The following LRRC4C variants were observed in gnomAD, a reference collection of about 807,000 sequenced individuals.
LRRC4C encodes leucine rich repeat containing 4C, also known as leucine-rich repeat-containing protein 4C.
A neutral mutation model predicts 33.6 loss-of-function variants in LRRC4C; 5 were observed. That is an observed-to-expected ratio of 0.15 (90% CI 0.08 to 0.31). The LOEUF is 0.31. Ranked by LOEUF, LRRC4C falls within the 10% of genes least tolerant of loss-of-function variation. The pLI is 1.00. For missense variants in LRRC4C, 560 were observed against 796.7 expected (o/e 0.70, Z 3.58); for synonymous variants, 329 against 302.0 (o/e 1.09, Z -0.93).
chr11:41,373,179 G>A (rs1206921615), intron 1 of LRRC4C, among the ~76,000 whole-genome samples: 1 of 151,958 alleles, frequency 6.6e-6, no homozygotes, highest in African/African-American at 2.4e-5. Flanking sequence ...GACCCAGTTT[G>A]CACAATGAAT....
In LRRC4C at chr11:40,114,241, TTTC is replaced by T. The variant is rs1855245774; in HGVS notation, c.*126_*128del. The T allele has an allele frequency of 4.8e-6, 5 of 1,043,082 alleles. No homozygotes were observed. The highest frequency in any genetic ancestry group is 5.3e-6 in the Non-Finnish European group (4 of 752,008). 64.6% of individuals were successfully genotyped at this position (1,043,082 alleles called of 1,614,324 possible). A position where few individuals can be genotyped will look rare whatever the true frequency, so the allele number is the denominator to read the frequency against. ...CACAATAGAATTTTTAATAAATAAATTTCTTTTCTTTTTTGTTTTTTTGTAAAG... is the reference window on the plus strand; with the variant it reads ...CACAATAGAATTTTTAATAAATAAATTTTTCTTTTTTGTTTTTTTGTAAAG... On this transcript the variant is annotated 3_prime_UTR_variant, in exon 7 of 7. Transcript: ENST00000528697.
At chr11:40,766,624 A>G (rs2137123466) in intron 2 of LRRC4C, among the ~76,000 whole-genome samples, 1 of 152,174 alleles carries the variant, frequency 6.6e-6, no homozygotes, top group Non-Finnish European at 1.5e-5. Flanking sequence ...ATAAAGTTAA[A>G]ATGTAGAGTA....
At position 40,332,134 on chromosome 11, in the gene LRRC4C, A is replaced by T. The variant is rs143892303; in HGVS notation, c.-269-12413T>A. Among the ~76,000 whole-genome samples, 82 of 152,332 alleles carry T rather than the reference A, an allele frequency of 5.4e-4. No homozygotes were observed. The East Asian group carries it at 0.014, about 26-fold the overall frequency. On this transcript the variant is annotated intron_variant, in intron 3 of 6. Coordinates refer to ENST00000528697, the MANE Select transcript of LRRC4C (RefSeq NM_001258419.2). ...TAGTTTCCTAGGGCGGCCATAACAA[A>T]GTGTCACAAATGAGGTGGCTTAAAA...
intron 2 of LRRC4C, among the ~76,000 whole-genome samples, chr11:40,650,824 A>C (rs1328190864): frequency 6.6e-6 from 1 of 152,170 alleles, no homozygotes; most frequent in Non-Finnish European, 1.5e-5. Flanking sequence ...CTCTTTGGCC[A>C]GCCCATAAGA....
At chr11:40,415,108 A>T (rs1220777271) in intron 3 of LRRC4C, among the ~76,000 whole-genome samples, 2 of 152,164 alleles carry the variant, frequency 1.3e-5, no homozygotes, top group East Asian at 3.9e-4. Flanking sequence ...GTGAATGAGA[A>T]GTATAAAATC....
chr11:40,310,894 A>AGG (rs750828235), intron 4 of LRRC4C, among the ~76,000 whole-genome samples: 1 of 152,154 alleles, frequency 6.6e-6, no homozygotes, highest in Non-Finnish European at 1.5e-5. Flanking sequence ...TGTTTTGTTT[A>AGG]GGGTCCATTT....
At position 41,210,001 on chromosome 11, in the gene LRRC4C, C is replaced by T. The variant is rs563271356; in HGVS notation, c.-496+249430G>A. On this transcript the variant is annotated intron_variant, in intron 1 of 6. Transcript: ENST00000528697. ...TCTCTCTGCATGCACATAGAGGAAA[C>T]GCCACGTGAGGATTCAGTGAGGAAG... Among the ~76,000 whole-genome samples the T allele has an allele frequency of 2.1e-3, 318 of 152,202 alleles. 1 individual carries two copies. The highest frequency in any genetic ancestry group is 6.8e-3 in the African/African-American group (283 of 41,536).
intron 1 of LRRC4C, among the ~76,000 whole-genome samples, chr11:41,186,886 T>C (rs1275747614): frequency 6.6e-6 from 1 of 152,162 alleles, no homozygotes; most frequent in East Asian, 1.9e-4. Flanking sequence ...CTCAATCTCT[T>C]TTAAAATTCA....
intron 2 of LRRC4C, among the ~76,000 whole-genome samples, chr11:40,932,797 T>G (rs1026491315): frequency 2.0e-5 from 3 of 152,032 alleles, no homozygotes; most frequent in Admixed American, 1.3e-4. Context: ...AGAATAGAGA[T>G]TTTGAAAAAT....
intron 1 of LRRC4C, among the ~76,000 whole-genome samples, chr11:41,359,951 A>G (rs1346777030): frequency 1.3e-5 from 2 of 152,140 alleles, no homozygotes; most frequent in African/African-American, 4.8e-5. Flanking sequence ...GGGAGGACAA[A>G]GCAGGCAGAT....
At chr11:40,748,035 G>T (rs532107639) in intron 2 of LRRC4C, among the ~76,000 whole-genome samples, 2 of 152,238 alleles carry the variant, frequency 1.3e-5, no homozygotes, top group South Asian at 4.1e-4. Flanking sequence ...AAGAGCATTA[G>T]ACACTCATTA....
intron 1 of LRRC4C, among the ~76,000 whole-genome samples, chr11:40,991,821 C>G (rs929763870): frequency 6.6e-6 from 1 of 152,070 alleles, no homozygotes; most frequent in Non-Finnish European, 1.5e-5. Flanking sequence ...GTAATGTGAG[C>G]GAGGGGAATT....
rs567112892 is a variant in LRRC4C, at chr11:40,590,435, A to T, written c.-270+57707T>A. ...GCCTTTGGTTTGAATGTCCTCCCGT[A>T]GCTCAGAGTAATTTGATCGTCTGAA... On this transcript the variant is annotated intron_variant, in intron 3 of 6. Transcript: ENST00000528697. Among the ~76,000 whole-genome samples, 38 of 151,018 alleles carry T rather than the reference A, an allele frequency of 2.5e-4. 2 individuals are homozygous for T. The South Asian group carries it at 7.4e-3, about 30-fold the overall frequency.
At chr11:40,283,590 A>G (rs983019452) in intron 4 of LRRC4C, among the ~76,000 whole-genome samples, 1 of 152,032 alleles carries the variant, frequency 6.6e-6, no homozygotes, top group Admixed American at 6.6e-5. Flanking sequence ...GTGTTAGATC[A>G]GGCCACTCAT....
At chr11:40,627,646 T>C (rs1362110673) in intron 3 of LRRC4C, among the ~76,000 whole-genome samples, 1 of 152,190 alleles carries the variant, frequency 6.6e-6, no homozygotes, top group Non-Finnish European at 1.5e-5. Flanking sequence ...GCACCTTTAA[T>C]GTATATGATT....
rs527761988 is a variant in LRRC4C at position 40,832,246 on chromosome 11, T to C, written c.-407+101389A>G. ...TAAACAAAAAAAGATACAGTAAAAA[T>C]ACCCTAATATAATCTTATGGGATGT... On this transcript the variant is annotated intron_variant, in intron 2 of 6. Coordinates refer to ENST00000528697, the MANE Select transcript of LRRC4C (RefSeq NM_001258419.2). Among the ~76,000 whole-genome samples the C allele has an allele frequency of 2.0e-5, 3 of 152,180 alleles. No homozygotes were observed. In the South Asian group the frequency reaches 6.2e-4, roughly 32 times the overall value.
chr11:40,219,743 G>A lies in LRRC4C; in HGVS notation c.-96+21776C>T, dbSNP rs375624566. On this transcript the variant is annotated intron_variant, in intron 5 of 6. Transcript: ENST00000528697. ...GCAGGGCATGAGGGGGAAGAAATTGGGGGGGTGGATATAGATCAGAGGATA... is the reference window on the plus strand; with the variant it reads ...GCAGGGCATGAGGGGGAAGAAATTGAGGGGGTGGATATAGATCAGAGGATA... Among the ~76,000 whole-genome samples the A allele has an allele frequency of 2.4e-4, 37 of 151,778 alleles. 1 individual carries two copies. The East Asian group carries it at 5.6e-3, about 23-fold the overall frequency.
intron 2 of LRRC4C, among the ~76,000 whole-genome samples, chr11:40,813,787 C>T (rs11036088): frequency 0.013 from 1,972 of 152,134 alleles, 12 homozygotes; most frequent in African/African-American, 0.018. Flanking sequence ...ACTGGCAAAA[C>T]GAAGGGGCTA....
chr11:41,310,778 T>C (rs1950622915), intron 1 of LRRC4C, among the ~76,000 whole-genome samples: 1 of 152,212 alleles, frequency 6.6e-6, no homozygotes, highest in South Asian at 2.1e-4. Flanking sequence ...GTTTATGCCT[T>C]TTTGTATTTA....
Sources: gnomAD v4.1 joint callset for allele counts (sites outside exome capture counted in the v4.1 genomes callset) on GRCh38, gnomAD v4.1.1 for gene constraint, MANE v1.5 for transcripts, NCBI Gene and HGNC (gene_info 2026-07-23, HGNC 2026-07-21) for gene names.